MTNR1A: variants seen among roughly 807,000 people sequenced by gnomAD.
The protein encoded by MTNR1A is melatonin receptor type 1A.
A neutral mutation model predicts 5.5 loss-of-function variants in MTNR1A; 7 were observed. The observed-to-expected ratio is 1.28, with a 90% CI of 0.73 to 2.40. The LOEUF is 2.40. Ranked by LOEUF, MTNR1A falls within the 30% of genes most tolerant of loss-of-function variation. The probability of loss-of-function intolerance (pLI) is 0.00; values close to 1 mark genes in which losing one functional copy is unlikely to be tolerated. For synonymous variants in MTNR1A, 196 were observed against 202.7 expected (o/e 0.97, Z 0.28); for missense variants, 441 against 464.4 (o/e 0.95, Z 0.46).
chr4:186,537,261 T>G (rs1443790365), intron 1 of MTNR1A, among the ~76,000 whole-genome samples: 1 of 151,866 alleles, frequency 6.6e-6, no homozygotes, highest in East Asian at 1.9e-4. Context: ...GCCTGGGGGG[T>G]GTGTGGTGTC....
chr4:186,541,273 A>C (rs1737018198), intron 1 of MTNR1A, among the ~76,000 whole-genome samples: 1 of 152,204 alleles, frequency 6.6e-6, no homozygotes, highest in South Asian at 2.1e-4. Flanking sequence ...CCTCCCAGGA[A>C]ACAGAACTTT....
chr4:186,550,479 A>T (rs1465325371), intron 1 of MTNR1A, among the ~76,000 whole-genome samples: 3 of 152,198 alleles, frequency 2.0e-5, no homozygotes, highest in African/African-American at 7.2e-5. Flanking sequence ...GATTATTTTT[A>T]AAAGGTGCTA....
intron 1 of MTNR1A, among the ~76,000 whole-genome samples, chr4:186,551,139 C>T (rs1050143849): frequency 6.6e-6 from 1 of 152,142 alleles, no homozygotes; most frequent in Non-Finnish European, 1.5e-5. Flanking sequence ...GTACAAGTTA[C>T]GTCGTAGGTT....
intron 1 of MTNR1A, among the ~76,000 whole-genome samples, chr4:186,545,286 G>C (rs960844340): frequency 6.6e-6 from 1 of 152,116 alleles, no homozygotes; most frequent in African/African-American, 2.4e-5. Context: ...ACCATACCGG[G>C]TAGGAGTTAC....
At chr4:186,551,477 C>T (rs12501688) in intron 1 of MTNR1A, among the ~76,000 whole-genome samples, 49,554 of 151,474 alleles carry the variant, frequency 0.33, 8,492 homozygotes, top group East Asian at 0.55. Flanking sequence ...TCACCAGATG[C>T]GTACTAGCAT....
intron 1 of MTNR1A, among the ~76,000 whole-genome samples, chr4:186,553,352 A>G (rs190529993): frequency 2.0e-5 from 3 of 152,344 alleles, no homozygotes; most frequent in Admixed American, 6.5e-5. Flanking sequence ...AGCTGTGCGG[A>G]TTAAAGGTCA....
At chr4:186,547,406 C>T (rs1419590580) in intron 1 of MTNR1A, among the ~76,000 whole-genome samples, 1 of 151,912 alleles carries the variant, frequency 6.6e-6, no homozygotes, top group Non-Finnish European at 1.5e-5. Context: ...GACACACTGT[C>T]CTCACACCCT....
At position 186,555,060 on chromosome 4, in the gene MTNR1A, G is replaced by GA; in HGVS notation, c.184+121dup. 1 of 1,164,924 alleles carries GA rather than the reference G, an allele frequency of 8.6e-7. No homozygotes were observed. Among genetic ancestry groups the GA allele is most frequent in the Non-Finnish European group, 1.2e-6 (1 of 802,380 alleles). The allele number at this position is 1,164,924 out of a possible 1,614,324, so 72.2% of individuals were successfully genotyped here. On this transcript the variant is annotated intron_variant, in intron 1 of 1. Transcript: ENST00000307161. The surrounding 1 kb of genome is among the most constrained non-coding windows in gnomAD (Gnocchi z 4.1). The stretch of plus-strand genomic sequence containing the variant: ...GCTGGAGAAGAGTCCTCTCTAACAG[G>GA]AAAAATAACTCCAAGTCCGCAGTGT...
chr4:186,553,790 G>C (rs1737311463), intron 1 of MTNR1A, among the ~76,000 whole-genome samples: 1 of 152,238 alleles, frequency 6.6e-6, no homozygotes, highest in Non-Finnish European at 1.5e-5. Context: ...GGGATTACAG[G>C]CTTGAGCCAT....
At position 186,555,477 on chromosome 4, in the gene MTNR1A, T is replaced by A; in HGVS notation, c.-112A>T. 1.2e-6 allele frequency: 1 copy of A among 822,520 alleles called. No homozygotes were observed. Among genetic ancestry groups the A allele is most frequent in the Non-Finnish European group, 1.6e-6 (1 of 631,718 alleles). The allele number at this position is 822,520 out of a possible 1,614,324, so 51.0% of individuals were successfully genotyped here. On this transcript the variant is annotated 5_prime_UTR_variant, in exon 1 of 2. Transcript: ENST00000307161. The surrounding 1 kb of genome is among the most constrained non-coding windows in gnomAD (Gnocchi z 4.1). ...CGCGCCCACGCCCCATCCCGCGCGC[T>A]CCTCCACGCCGCGCCCCCGGACGCC...
At chr4:186,538,093 G>A (rs147264054) in intron 1 of MTNR1A, among the ~76,000 whole-genome samples, 1 of 152,328 alleles carries the variant, frequency 6.6e-6, no homozygotes, top group African/African-American at 2.4e-5. Context: ...AGTCCTGTGA[G>A]TCCCTTCTGG....
chr4:186,550,713 T>C (rs1031306926), intron 1 of MTNR1A, among the ~76,000 whole-genome samples: 2 of 152,198 alleles, frequency 1.3e-5, no homozygotes, highest in Non-Finnish European at 2.9e-5. Flanking sequence ...CTCTATCTTA[T>C]CTGTGATTAA....
intron 1 of MTNR1A, among the ~76,000 whole-genome samples, chr4:186,545,021 C>G (rs1737111087): frequency 6.6e-6 from 1 of 152,184 alleles, no homozygotes; most frequent in Admixed American, 6.5e-5. Context: ...CAAGTCTCAG[C>G]TTTCCCTGAG....
At chr4:186,542,548 C>T (rs1282465444) in intron 1 of MTNR1A, among the ~76,000 whole-genome samples, 1 of 152,158 alleles carries the variant, frequency 6.6e-6, no homozygotes, top group African/African-American at 2.4e-5. Context: ...AGTTTCAGCA[C>T]CAGGCGGGTG....
chr4:186,555,239 G>A lies in MTNR1A; in HGVS notation c.127C>T (p.Leu43=). The A allele has an allele frequency of 6.3e-7, 1 of 1,582,860 alleles. No individual in the cohort carries two copies. The highest frequency in any genetic ancestry group is 8.6e-7 in the Non-Finnish European group (1 of 1,165,264). ...VLIFTIVVDI[L]GNLLVILSVY... The stretch of plus-strand genomic sequence containing the variant: ...GACAGGATGACCAGGAGGTTGCCCA[G>A]GATGTCCACCACGATGGTGAAGATG... The change falls in exon 1 of 2, where the codon CTG becomes TTG. Residue 43 remains leucine, a synonymous_variant. Coordinates refer to ENST00000307161, the MANE Select transcript of MTNR1A (RefSeq NM_005958.4). This position sits in a 1 kb window ranked among gnomAD's most constrained non-coding sequence, Gnocchi z 4.1.
At position 186,533,802 on chromosome 4, in the gene MTNR1A, A is replaced by G. The variant is rs1399373156; in HGVS notation, c.940T>C (p.Cys314Arg). 7 of 1,614,218 alleles carry G rather than the reference A, an allele frequency of 4.3e-6. No individual in the cohort carries two copies. Among genetic ancestry groups the G allele is most frequent in the Non-Finnish European group, 5.9e-6 (7 of 1,180,042 alleles). ...KEYRRIIVSL[C>R]TARVFFVDSS... ...TCCACAAAGAACACCCTGGCTGTAC[A>G]GAGCGAGACTATAATTCTCCTGTAT... Residue 314 changes from cysteine to arginine, a missense_variant, in exon 2 of 2, where the codon TGT (cysteine) becomes CGT (arginine). Cys to Arg is a radical substitution (Grantham distance 180, BLOSUM62 -3). Transcript: ENST00000307161.
intron 1 of MTNR1A, among the ~76,000 whole-genome samples, chr4:186,547,921 C>T (rs2119883): frequency 0.93 from 140,965 of 152,228 alleles, 65,509 homozygotes; most frequent in East Asian, 1. Flanking sequence ...TGACTGTCTT[C>T]TGAGAAGGGT....
intron 1 of MTNR1A, among the ~76,000 whole-genome samples, chr4:186,544,021 T>A (rs1299443549): frequency 6.6e-6 from 1 of 152,164 alleles, no homozygotes; most frequent in African/African-American, 2.4e-5. Flanking sequence ...TTTCATTTTT[T>A]CTTCTTGAGA....
At position 186,555,490 on chromosome 4, in the gene MTNR1A, G is replaced by T; in HGVS notation, c.-125C>A. 2 of 704,694 alleles carry T rather than the reference G, an allele frequency of 2.8e-6. No homozygotes were observed. The highest frequency in any genetic ancestry group is 5.1e-4 in the Middle Eastern group (1 of 1,966). 43.7% of individuals were successfully genotyped at this position (704,694 alleles called of 1,614,324 possible). On this transcript the variant is annotated 5_prime_UTR_variant, in exon 1 of 2. Transcript: ENST00000307161. The surrounding 1 kb of genome is among the most constrained non-coding windows in gnomAD (Gnocchi z 4.1). ...CATCCCGCGCGCTCCTCCACGCCGCGCCCCCGGACGCCCACGCCGCGCCGG... is the reference window on the plus strand; with the variant it reads ...CATCCCGCGCGCTCCTCCACGCCGCTCCCCCGGACGCCCACGCCGCGCCGG...
Sources: allele counts gnomAD v4.1 joint callset (sites outside exome capture counted in the v4.1 genomes callset), GRCh38; gene constraint gnomAD v4.1.1; non-coding constraint Gnocchi (gnomAD v3.1); transcripts MANE v1.5; gene names NCBI Gene and HGNC (gene_info 2026-07-23, HGNC 2026-07-21).